Variants in NAV1 observed in about 807,000 individuals in gnomAD.
The protein encoded by NAV1 is neuron navigator 1.
A neutral mutation model predicts 175.2 loss-of-function variants in NAV1; 18 were observed. That is an observed-to-expected ratio of 0.10 (90% CI 0.07 to 0.15). NAV1 has a LOEUF of 0.15. Among genes scored for constraint, NAV1 ranks in the 10% least tolerant of loss-of-function variants. The pLI is 1.00. For missense variants in NAV1, 1,731 were observed against 2,436.6 expected (o/e 0.71, Z 6.10); for synonymous variants, 897 against 978.7 (o/e 0.92, Z 1.56).
At chr1:201,655,657 C>A (rs1364787437) in intron 1 of NAV1, among the ~76,000 whole-genome samples, 1 of 152,236 alleles carries the variant, frequency 6.6e-6, no homozygotes, top group Non-Finnish European at 1.5e-5. Context: ...TTCTGACCCA[C>A]AGAGATCGGG....
chr1:201,714,556 C>G (rs1237062928), intron 2 of NAV1, among the ~76,000 whole-genome samples: 2 of 152,168 alleles, frequency 1.3e-5, no homozygotes, highest in Non-Finnish European at 2.9e-5. Context: ...CTCCAGGACC[C>G]CCTTACATCT....
chr1:201,614,899 A>G (rs1201641255), intron 2 of NAV1, among the ~76,000 whole-genome samples: 2 of 152,246 alleles, frequency 1.3e-5, no homozygotes, highest in Non-Finnish European at 2.9e-5. Flanking sequence ...CAACTTATAG[A>G]ACAATTACAA....
rs188790715 is a variant in NAV1 at position 201,784,788 on chromosome 1, A to G, written c.2805-522A>G. 1.5e-3 allele frequency among the ~76,000 whole-genome samples: 229 copies of G among 151,738 alleles called. 2 individuals are homozygous for G. Among genetic ancestry groups the G allele is most frequent in the Non-Finnish European group, 2.4e-3 (162 of 67,944 alleles). On this transcript the variant is annotated intron_variant, in intron 7 of 29. Transcript: ENST00000367296. ...TTGTTGTTGTTGTTGTTGTTTTGAGACGGAGTCTTGCTCTGTCGCCCAGGC... is the reference window on the plus strand; with the variant it reads ...TTGTTGTTGTTGTTGTTGTTTTGAGGCGGAGTCTTGCTCTGTCGCCCAGGC...
At chr1:201,753,249 G>A (rs1336720949) in intron 3 of NAV1, among the ~76,000 whole-genome samples, 1 of 152,156 alleles carries the variant, frequency 6.6e-6, no homozygotes, top group East Asian at 1.9e-4. Flanking sequence ...ACATACTGCA[G>A]TTTATCCTAG....
chr1:201,618,479 C>G (rs191342331), upstream of NAV1, among the ~76,000 whole-genome samples: 111 of 152,198 alleles, frequency 7.3e-4, no homozygotes, highest in African/African-American at 2.6e-3. Context: ...TGGTTTCCAC[C>G]CTGTAAATTG....
Position 201,808,850 on chromosome 1 carries a change from G to A in NAV1, c.4186G>A (p.Gly1396Ser), listed in dbSNP as rs146240659. 95 of 1,612,522 alleles carry A rather than the reference G, an allele frequency of 5.9e-5. No homozygotes were observed. The African/African-American group carries it at 7.6e-4, about 13-fold the overall frequency. ...AGGCCTGGCACTCACCCATTCCTTC[G>A]GCCCCAGTCTTGCAGACACAGGTAC... is the stretch of plus-strand genomic sequence containing the variant. The change falls in exon 20 of 30, where the codon GGC becomes AGC. Residue 1396 changes from glycine (G) to serine (S), a missense_variant. Coordinates refer to ENST00000367296, the Ensembl canonical transcript of NAV1. The surrounding 1 kb of genome is among the most constrained non-coding windows in gnomAD (Gnocchi z 5.5).
chr1:201,749,431 C>A lies in NAV1; in HGVS notation c.1226+30676C>A, dbSNP rs559596472. On this transcript the variant is annotated intron_variant, in intron 3 of 29. Transcript: ENST00000367296. Reference sequence around the variant, plus strand: ...GTTCTGGGCATCAGATAGAGCACAACCCTTGCACCAACTTGCTCACTATTC... The same window carrying A: ...GTTCTGGGCATCAGATAGAGCACAAACCTTGCACCAACTTGCTCACTATTC... Among the ~76,000 whole-genome samples the A allele has an allele frequency of 5.3e-5, 8 of 152,314 alleles. No homozygotes were observed. In the South Asian group the frequency reaches 1.7e-3, roughly 32 times the overall value.
chr1:201,647,952 C>T (rs977963092), upstream of NAV1, among the ~76,000 whole-genome samples: 1 of 152,160 alleles, frequency 6.6e-6, no homozygotes, highest in Non-Finnish European at 1.5e-5. Flanking sequence ...ATCCAAGAAC[C>T]CGCCCCGCTT....
upstream of NAV1, among the ~76,000 whole-genome samples, chr1:201,620,186 A>G (rs887528330): frequency 1.3e-5 from 2 of 152,222 alleles, no homozygotes; most frequent in African/African-American, 4.8e-5. Context: ...CAACAGCCAT[A>G]AACAATTCCT....
At chr1:201,809,217 C>T (rs1182954870) in exon 21 of NAV1, 1 of 1,613,930 alleles carries the variant, frequency 6.2e-7, no homozygotes, top group Non-Finnish European at 8.5e-7. Context: ...GGAAGTGACC[C>T]TCCGGGTGGT....
At chr1:201,613,154 C>G (rs1487351046) in intron 2 of NAV1, among the ~76,000 whole-genome samples, 2 of 152,090 alleles carry the variant, frequency 1.3e-5, no homozygotes, top group African/African-American at 4.8e-5. Context: ...TCTAAGTCAT[C>G]TTCATGTACT....
chr1:201,675,816 C>T (rs2102388242), intron 1 of NAV1, among the ~76,000 whole-genome samples: 1 of 152,308 alleles, frequency 6.6e-6, no homozygotes, highest in African/African-American at 2.4e-5. Context: ...TATCTGGAAC[C>T]ATTTTCTGAA....
At chr1:201,615,368 G>A (rs1184584948) in intron 2 of NAV1, among the ~76,000 whole-genome samples, 2 of 151,778 alleles carry the variant, frequency 1.3e-5, no homozygotes, top group African/African-American at 4.8e-5. Context: ...GGGTTCAGGC[G>A]ATTCTCCTGC....
chr1:201,612,836 AGTGT>A (rs1341179605), intron 2 of NAV1, among the ~76,000 whole-genome samples: 1 of 151,472 alleles, frequency 6.6e-6, no homozygotes, highest in Non-Finnish European at 1.5e-5. Context: ...GGTGTGAGTG[AGTGT>A]GTGTATGTCT....
chr1:201,815,684 T>C (rs1276181382), intron 28 of NAV1, among the ~76,000 whole-genome samples: 1 of 152,220 alleles, frequency 6.6e-6, no homozygotes, highest in Non-Finnish European at 1.5e-5. Context: ...ATGGTGACTA[T>C]AGTTAATAAC....
intron 22 of NAV1, 91 bp downstream of exon 26, chr1:201,809,628 G>A: frequency 8.1e-7 from 1 of 1,228,678 alleles, no homozygotes; most frequent in South Asian, 1.4e-5. Context: ...TTGCCACCCA[G>A]GCTGGAGGGC....
rs74136675 is a variant in NAV1, at chr1:201,811,658, T to C, written c.4853T>C (p.Ile1618Thr). The C allele has an allele frequency of 0.01, 16,222 of 1,614,068 alleles. 1,438 individuals carry two copies. The African/African-American group carries it at 0.19, about 19-fold the overall frequency. Reference sequence around the variant, plus strand: ...AACCAGATAGACCGGGAAACAGGAATTGGGGATGTGCCCCTGGTGATTCTA... The same window carrying C: ...AACCAGATAGACCGGGAAACAGGAACTGGGGATGTGCCCCTGGTGATTCTA... Residue 1618 changes from isoleucine to threonine, a missense_variant, in exon 25 of 30, where the codon ATT (isoleucine) becomes ACT (threonine). By Grantham distance (89) the Ile-to-Thr change is moderately conservative. Coordinates refer to ENST00000367296, the Ensembl canonical transcript of NAV1.
chr1:201,581,946 A>G (rs1558006159), intron 1 of NAV1, among the ~76,000 whole-genome samples: 1 of 152,154 alleles, frequency 6.6e-6, no homozygotes, highest in Non-Finnish European at 1.5e-5. Context: ...AATACAAAAA[A>G]TTAGCTGGGG....
At chr1:201,612,570 A>T (rs143860508) in intron 2 of NAV1, among the ~76,000 whole-genome samples, 1 of 152,218 alleles carries the variant, frequency 6.6e-6, no homozygotes, top group Non-Finnish European at 1.5e-5. Context: ...CCTGTTCCCC[A>T]TAGATGGTGA....
Sources: allele counts gnomAD v4.1 joint callset (sites outside exome capture counted in the v4.1 genomes callset), GRCh38; gene constraint gnomAD v4.1.1; non-coding constraint Gnocchi (gnomAD v3.1); transcripts MANE v1.5; gene names NCBI Gene and HGNC (gene_info 2026-07-23, HGNC 2026-07-21).